Variants in PTPRD observed in about 807,000 individuals in gnomAD.
PTPRD encodes the protein receptor-type tyrosine-protein phosphatase delta.
PTPRD carries 34 observed loss-of-function variants against 214.5 expected under a neutral mutation model. The observed-to-expected ratio is 0.16, with a 90% CI of 0.12 to 0.21. PTPRD has a LOEUF of 0.21. Ranked by LOEUF, PTPRD falls within the 10% of genes least tolerant of loss-of-function variation. PTPRD has a pLI of 1.00. For synonymous variants in PTPRD, 1,128 were observed against 845.7 expected (o/e 1.33, Z -5.79); for missense variants, 2,545 against 2,398.7 (o/e 1.06, Z -1.27).
chr9:9,710,965 CGA>C lies in PTPRD; in HGVS notation c.-287+23566_-287+23567del, dbSNP rs145139950. Among the ~76,000 whole-genome samples, 1,164 of 151,698 alleles carry C rather than the reference CGA, an allele frequency of 7.7e-3. 11 individuals are homozygous for C. Among genetic ancestry groups the C allele is most frequent in the African/African-American group, 0.027 (1,118 of 41,320 alleles). ...TGGTCCTAGTCTGAGAGCGAGCGAG[CGA>C]GAGAGAGCGTGTGTGTGTGTGTGTG... On this transcript the variant is annotated intron_variant, in intron 7 of 45. Transcript: ENST00000381196.
intron 4 of PTPRD, among the ~76,000 whole-genome samples, chr9:10,016,141 T>C (rs1222519427): frequency 1.3e-5 from 2 of 152,212 alleles, no homozygotes; most frequent in African/African-American, 4.8e-5. Flanking sequence ...TCTCCCTAAA[T>C]ATGTATACAA....
chr9:10,110,054 T>A (rs567584903), intron 3 of PTPRD, among the ~76,000 whole-genome samples: 31 of 152,228 alleles, frequency 2.0e-4, no homozygotes, highest in African/African-American at 7.2e-4. Flanking sequence ...AAAATGTAGA[T>A]GCTATAATTT....
intron 11 of PTPRD, among the ~76,000 whole-genome samples, chr9:8,758,923 G>A (rs1044412838): frequency 3.3e-5 from 5 of 151,996 alleles, no homozygotes; most frequent in Admixed American, 2.6e-4. Flanking sequence ...CTGACCTCGT[G>A]ATCCACCTGC....
intron 8 of PTPRD, among the ~76,000 whole-genome samples, chr9:9,455,292 A>G (rs552377088): frequency 1.4e-3 from 219 of 151,550 alleles, no homozygotes; most frequent in Non-Finnish European, 2.5e-3. Flanking sequence ...TTAAAATATT[A>G]ATTTTTAAAA....
intron 11 of PTPRD, among the ~76,000 whole-genome samples, chr9:9,011,689 C>T (rs1589761816): frequency 6.6e-6 from 1 of 152,166 alleles, no homozygotes; most frequent in Admixed American, 6.6e-5. Flanking sequence ...CTACACCCTA[C>T]AGCTCTTTCA....
chr9:9,452,465 C>T (rs2145347183), intron 8 of PTPRD, among the ~76,000 whole-genome samples: 1 of 150,964 alleles, frequency 6.6e-6, no homozygotes, highest in African/African-American at 2.4e-5. Flanking sequence ...ATGGGTATAT[C>T]TAAGTAAATA....
At chr9:9,805,710 G>A (rs1004612950) in intron 5 of PTPRD, among the ~76,000 whole-genome samples, 1 of 152,074 alleles carries the variant, frequency 6.6e-6, no homozygotes, top group African/African-American at 2.4e-5. Flanking sequence ...AAAGCAATTT[G>A]GTTGAAATGG....
rs1433174475 is a variant in PTPRD, at chr9:9,614,183, A to T, written c.-286-39402T>A. ...GAAATTAGAGGAAGGAAAGTTTATG[A>T]TTGCCAGAGATTACAAAGTGGTTAA... On this transcript the variant is annotated intron_variant, in intron 7 of 45. Coordinates refer to ENST00000381196, the MANE Select transcript of PTPRD (RefSeq NM_002839.4). 2.0e-5 allele frequency among the ~76,000 whole-genome samples: 3 copies of T among 152,024 alleles called. No homozygotes were observed. In the East Asian group the frequency reaches 5.8e-4, roughly 29 times the overall value.
chr9:9,411,808 G>C (rs1210843648), intron 8 of PTPRD, among the ~76,000 whole-genome samples: 1 of 152,040 alleles, frequency 6.6e-6, no homozygotes, highest in Non-Finnish European at 1.5e-5. Context: ...ACACAAAAAA[G>C]ATCCCTAGGG....
intron 7 of PTPRD, among the ~76,000 whole-genome samples, chr9:9,679,561 A>G (rs527645509): frequency 4.1e-4 from 62 of 152,020 alleles, no homozygotes; most frequent in African/African-American, 1.4e-3. Context: ...TTTACCGAGG[A>G]ATGCTTTAAA....
chr9:10,166,314 A>G (rs2099158890), intron 3 of PTPRD, among the ~76,000 whole-genome samples: 1 of 150,616 alleles, frequency 6.6e-6, no homozygotes, highest in African/African-American at 2.4e-5. Context: ...TCTGTCTAAC[A>G]TCCTATCAGC....
chr9:9,328,909 A>AT (rs2041216404), intron 9 of PTPRD, among the ~76,000 whole-genome samples: 1 of 151,920 alleles, frequency 6.6e-6, no homozygotes, highest in Admixed American at 6.6e-5. Context: ...AAGTAAAGGG[A>AT]TTACAGGAGT....
intron 7 of PTPRD, among the ~76,000 whole-genome samples, chr9:9,682,939 C>G (rs746846556): frequency 4.6e-5 from 7 of 151,726 alleles, no homozygotes; most frequent in Non-Finnish European, 1.0e-4. Flanking sequence ...CTGGAAAGAG[C>G]TTTAACTGAT....
At chr9:10,155,632 T>C (rs1244492244) in intron 3 of PTPRD, among the ~76,000 whole-genome samples, 2 of 152,198 alleles carry the variant, frequency 1.3e-5, no homozygotes, top group Middle Eastern at 3.2e-3. Flanking sequence ...CAATACTACA[T>C]GTTTGAGAGT....
At chr9:9,677,749 C>T (rs532095430) in intron 7 of PTPRD, among the ~76,000 whole-genome samples, 189 of 151,934 alleles carry the variant, frequency 1.2e-3, no homozygotes, top group African/African-American at 4.1e-3. Flanking sequence ...AAATAAAGGG[C>T]ATTCAATTAG....
chr9:9,673,802 G>C (rs191330034), intron 7 of PTPRD, among the ~76,000 whole-genome samples: 21 of 150,516 alleles, frequency 1.4e-4, no homozygotes, highest in Admixed American at 7.3e-4. Flanking sequence ...AGGAAAGACA[G>C]ATTACATATA....
intron 11 of PTPRD, among the ~76,000 whole-genome samples, chr9:8,807,598 C>CT (rs200760578): frequency 0.028 from 3,720 of 134,872 alleles, 118 homozygotes; most frequent in East Asian, 0.093. Context: ...CTTTGAATAG[C>CT]TTTTTTTTTT....
chr9:10,552,256 T>C (rs2061511112), intron 2 of PTPRD, among the ~76,000 whole-genome samples: 2 of 151,936 alleles, frequency 1.3e-5, no homozygotes, highest in Non-Finnish European at 2.9e-5. Context: ...CCAAGCTTTT[T>C]TATCTGTATT....
intron 3 of PTPRD, among the ~76,000 whole-genome samples, chr9:10,210,293 G>C (rs1399721949): frequency 6.6e-6 from 1 of 152,082 alleles, no homozygotes; most frequent in Non-Finnish European, 1.5e-5. Context: ...CCATACAGAG[G>C]AGAGAAAAAA....
Sources: allele counts gnomAD v4.1 joint callset (sites outside exome capture counted in the v4.1 genomes callset), GRCh38; gene constraint gnomAD v4.1.1; transcripts MANE v1.5; gene names NCBI Gene and HGNC (gene_info 2026-07-23, HGNC 2026-07-21).